The following CEACAM18 variants were observed in gnomAD, a reference collection of about 807,000 sequenced individuals.
CEACAM18 encodes the protein cell adhesion molecule CEACAM18.
CEACAM18 carries 33 observed loss-of-function variants against 34.3 expected under a neutral mutation model. The observed-to-expected ratio is 0.96, with a 90% CI of 0.73 to 1.29. The LOEUF is 1.29. CEACAM18 is among the 50% of genes most tolerant of loss of function. The pLI, the probability that CEACAM18 is intolerant of heterozygous loss-of-function variation, is 0.00. For missense variants in CEACAM18, 474 were observed against 485.0 expected (o/e 0.98, Z 0.21); for synonymous variants, 169 against 180.9 (o/e 0.93, Z 0.53).
chr19:51,482,981 G>A (rs779053265), intron 3 of CEACAM18, 36 bp from the exon 4 acceptor site: 1 of 1,604,560 alleles, frequency 6.2e-7, no homozygotes, highest in Non-Finnish European at 8.5e-7. Context: ...CGAGGGGTCA[G>A]AAACATAGCC....
intron 5 of CEACAM18, 21 bp downstream of exon 5, chr19:51,485,143 C>A: frequency 6.7e-7 from 1 of 1,485,566 alleles, no homozygotes. Context: ...TGCTCTGGGA[C>A]AAGGGTGGGA....
intron 5 of CEACAM18, among the ~76,000 whole-genome samples, chr19:51,486,584 C>T (rs575225560): frequency 6.6e-6 from 1 of 152,274 alleles, no homozygotes; most frequent in South Asian, 2.1e-4. Flanking sequence ...GGGCCAGTCT[C>T]CTTCACCTGA....
chr19:51,485,094 C>A, exon 5 of CEACAM18: 2 of 1,530,102 alleles, frequency 1.3e-6, no homozygotes, highest in Non-Finnish European at 1.7e-6. Flanking sequence ...AGTCCTGATC[C>A]ATGCTCTGAT....
At chr19:51,490,783 C>T in exon 6 of CEACAM18, 2 of 451,000 alleles carry the variant, frequency 4.4e-6, no homozygotes, top group Admixed American at 4.4e-5. Flanking sequence ...GAGATGGAGG[C>T]TCCAGTAGGA....
rs144458127 is a variant in CEACAM18 at position 51,489,031 on chromosome 19, G to T, written c.1090-1556G>T. On this transcript the variant is annotated intron_variant, in intron 5 of 5. Coordinates refer to ENST00000396477, the Ensembl canonical transcript of CEACAM18. ...GGGCCTTAGTGCTTCTGTCCATAAT[G>T]ATCCTGCTTCCACTCGAATTTCTTC... is the stretch of plus-strand genomic sequence containing the variant. Among the ~76,000 whole-genome samples the T allele has an allele frequency of 1.9e-3, 291 of 151,592 alleles. 3 individuals are homozygous for T. In the East Asian group the frequency reaches 0.032, roughly 17 times the overall value.
intron 5 of CEACAM18, among the ~76,000 whole-genome samples, chr19:51,486,903 T>C (rs1261749163): frequency 6.7e-6 from 1 of 150,042 alleles, no homozygotes; most frequent in South Asian, 2.1e-4. Context: ...TTTTTTTTTT[T>C]AGTAGAGACG....
chr19:51,490,448 C>T (rs1469260174), intron 5 of CEACAM18, 139 bp from the exon 6 acceptor site: 2 of 572,594 alleles, frequency 3.5e-6, no homozygotes, highest in Non-Finnish European at 2.6e-6. Flanking sequence ...CAGACCATCT[C>T]CTCCATTGGG....
In CEACAM18 at chr19:51,480,327, C is replaced by A. The variant is rs774011039; in HGVS notation, c.53-6C>A. On this transcript the variant is annotated splice_region_variant and splice_polypyrimidine_tract_variant and intron_variant, in intron 1 of 5. Coordinates refer to ENST00000396477, the Ensembl canonical transcript of CEACAM18. ...TCTCTCTGTCTTTTTTCCTTGTCTT[C>A]TTCAGCCAGTCTGCTGGCCTGTGGG... is the stretch of plus-strand genomic sequence containing the variant. The A allele has an allele frequency of 5.0e-6, 8 of 1,590,154 alleles. No homozygotes were observed. The African/African-American group carries it at 6.7e-5, about 13-fold the overall frequency.
chr19:51,489,848 T>C (rs536549556), intron 5 of CEACAM18, among the ~76,000 whole-genome samples: 1 of 152,274 alleles, frequency 6.6e-6, no homozygotes, highest in South Asian at 2.1e-4. Context: ...GCCATCATAT[T>C]ATTCAATGTG....
At chr19:51,484,103 G>T (rs1989962285) in intron 4 of CEACAM18, among the ~76,000 whole-genome samples, 1 of 152,166 alleles carries the variant, frequency 6.6e-6, no homozygotes, top group Non-Finnish European at 1.5e-5. Flanking sequence ...AAGAATCCCT[G>T]CAGGGAAAGG....
Position 51,490,500 on chromosome 19 carries a change from C to T in CEACAM18, c.1090-87C>T, listed in dbSNP as rs1990072766. 4 of 1,146,600 alleles carry T rather than the reference C, an allele frequency of 3.5e-6. No individual in the cohort carries two copies. The Admixed American group carries it at 1.3e-4, about 37-fold the overall frequency. 71.0% of individuals were successfully genotyped at this position (1,146,600 alleles called of 1,614,324 possible). On this transcript the variant is annotated intron_variant, in intron 5 of 5. Transcript: ENST00000396477. ...CTTAGGCTTGGACTTGGTGGGAAGTCGGGCCCCTTCACCTCTCTCTATCCA... is the reference window on the plus strand; with the variant it reads ...CTTAGGCTTGGACTTGGTGGGAAGTTGGGCCCCTTCACCTCTCTCTATCCA...
At chr19:51,482,136 A>C (rs1260334673) in intron 3 of CEACAM18, among the ~76,000 whole-genome samples, 1 of 152,054 alleles carries the variant, frequency 6.6e-6, no homozygotes, top group Non-Finnish European at 1.5e-5. Context: ...AGAGAGCTTT[A>C]TTTAAAGACT....
At chr19:51,483,799 G>A (rs950341346) in intron 4 of CEACAM18, among the ~76,000 whole-genome samples, 1 of 152,226 alleles carries the variant, frequency 6.6e-6, no homozygotes, top group Non-Finnish European at 1.5e-5. Context: ...GGACGGGATG[G>A]GTGGACGGGG....
chr19:51,479,250 AG>A (rs1989866398), intron 1 of CEACAM18, among the ~76,000 whole-genome samples: 1 of 152,230 alleles, frequency 6.6e-6, no homozygotes, highest in South Asian at 2.1e-4. Context: ...CCGGGGTCTC[AG>A]GCATCTCTGC....
At chr19:51,490,896 G>C (rs1990081748) in exon 6 of CEACAM18, 4 of 356,780 alleles carry the variant, frequency 1.1e-5, no homozygotes, top group Non-Finnish European at 2.0e-5. Flanking sequence ...TGCAGGTCGG[G>C]GCGGGCCATG....
rs531397899 is a variant in CEACAM18, at chr19:51,478,876, C to T, written c.52+182C>T. 5.3e-5 allele frequency among the ~76,000 whole-genome samples: 8 copies of T among 152,068 alleles called. No individual in the cohort carries two copies. In the South Asian group the frequency reaches 1.0e-3, roughly 20 times the overall value. On this transcript the variant is annotated intron_variant, in intron 1 of 5. Coordinates refer to ENST00000396477, the Ensembl canonical transcript of CEACAM18. ...AGCACAACTTTCATGAGCTCACACA[C>T]GTGGGCACACTTTGCCCCTAGACAC...
intron 2 of CEACAM18, among the ~76,000 whole-genome samples, chr19:51,480,977 C>A (rs1989904601): frequency 6.6e-6 from 1 of 152,110 alleles, no homozygotes; most frequent in African/African-American, 2.4e-5. Context: ...GGGGAGGAAC[C>A]CACCATTGTG....
At chr19:51,481,615 G>A in exon 3 of CEACAM18, 1 of 1,613,950 alleles carries the variant, frequency 6.2e-7, no homozygotes, top group Non-Finnish European at 8.5e-7. Context: ...ATGATAGAGA[G>A]TTTCCCAGAG....
chr19:51,480,345 C>T (rs765730737), exon 2 of CEACAM18: 1 of 1,608,182 alleles, frequency 6.2e-7, no homozygotes, highest in South Asian at 1.1e-5. Context: ...AGTCTGCTGG[C>T]CTGTGGGATC....
Sources: gnomAD v4.1 joint callset for allele counts (sites outside exome capture counted in the v4.1 genomes callset) on GRCh38, gnomAD v4.1.1 for gene constraint, MANE v1.5 for transcripts, NCBI Gene and HGNC (gene_info 2026-07-23, HGNC 2026-07-21) for gene names.